The following EIF4G3 variants were observed in gnomAD, a reference collection of about 807,000 sequenced individuals.
The protein encoded by EIF4G3 is eukaryotic translation initiation factor 4 gamma 3.
Under a neutral mutation model 186.4 loss-of-function variants are expected in EIF4G3, and 34 were observed. That is an observed-to-expected ratio of 0.18 (90% CI 0.14 to 0.24). EIF4G3 has a LOEUF of 0.24. Among genes scored for constraint, EIF4G3 ranks in the 10% least tolerant of loss-of-function variants. EIF4G3 has a pLI of 1.00. For missense variants in EIF4G3, 1,536 were observed against 1,948.5 expected (o/e 0.79, Z 3.99); for synonymous variants, 673 against 679.5 (o/e 0.99, Z 0.15).
intron 7 of EIF4G3, among the ~76,000 whole-genome samples, chr1:20,989,046 A>T (rs1262965756): frequency 6.5e-5 from 1 of 15,424 alleles, no homozygotes; most frequent in Admixed American, 9.8e-4. Flanking sequence ...CCAAAAAGAG[A>T]GGAGAGGAGA....
chr1:21,089,212 T>G lies in EIF4G3; in HGVS notation c.-270A>C, dbSNP rs781105226. On this transcript the variant is annotated splice_region_variant and 5_prime_UTR_variant, in exon 3 of 37. Coordinates refer to ENST00000602326, the MANE Select transcript of EIF4G3 (RefSeq NM_001391906.1). ...GGTTGTTGCACAGGTCCTCTAGGAA[T>G]TCTAGAAGAGCGAGTTAAGGATAAG... 1 of 717,270 alleles carries G rather than the reference T, an allele frequency of 1.4e-6. No homozygotes were observed. The highest frequency in any genetic ancestry group is 1.5e-5 in the South Asian group (1 of 67,554). The allele number at this position is 717,270 out of a possible 1,614,324, so 44.4% of individuals were successfully genotyped here.
chr1:20,859,515 C>T (rs150481378), intron 24 of EIF4G3, among the ~76,000 whole-genome samples: 12 of 152,324 alleles, frequency 7.9e-5, no homozygotes, highest in East Asian at 1.9e-4. Context: ...TCTTTTCCAA[C>T]GTTCCTAAAC....
Position 20,879,639 on chromosome 1 carries a change from C to A in EIF4G3, c.2425-119G>T, listed in dbSNP as rs1026594749. ...CAACTTCTCAAATTATTAACAAGGACTGTGAACTAGTGACAGAAATAATTA... is the reference window on the plus strand; with the variant it reads ...CAACTTCTCAAATTATTAACAAGGAATGTGAACTAGTGACAGAAATAATTA... On this transcript the variant is annotated intron_variant, in intron 19 of 36. Transcript: ENST00000602326. 1.1e-5 allele frequency: 6 copies of A among 569,834 alleles called. No homozygotes were observed. In the South Asian group the frequency reaches 2.7e-4, roughly 26 times the overall value. The allele number at this position is 569,834 out of a possible 1,614,324, so 35.3% of individuals were successfully genotyped here. A position where few individuals can be genotyped will look rare whatever the true frequency, so the allele number is the denominator to read the frequency against.
intron 4 of EIF4G3, among the ~76,000 whole-genome samples, chr1:21,018,276 A>G (rs912554592): frequency 6.6e-6 from 1 of 152,138 alleles, no homozygotes; most frequent in Non-Finnish European, 1.5e-5. Context: ...CCACGGAACT[A>G]TAAACTTAAA....
At position 20,848,785 on chromosome 1, in the gene EIF4G3, C is replaced by T. The variant is rs150608712; in HGVS notation, c.3888+630G>A. On this transcript the variant is annotated intron_variant, in intron 29 of 36. Coordinates refer to ENST00000602326, the MANE Select transcript of EIF4G3 (RefSeq NM_001391906.1). ...ATGACAGGCCAGGTGTGGTGGCTCA[C>T]GCCTGTAATCTCAGCACTTTGGGAG... Among the ~76,000 whole-genome samples the T allele has an allele frequency of 5.2e-3, 788 of 151,780 alleles. 8 individuals are homozygous for T. The highest frequency in any genetic ancestry group is 0.018 in the African/African-American group (757 of 41,402).
chr1:21,064,108 C>T (rs1286847780), intron 3 of EIF4G3, among the ~76,000 whole-genome samples: 1 of 152,112 alleles, frequency 6.6e-6, no homozygotes, highest in Non-Finnish European at 1.5e-5. Context: ...CTATTTGGAA[C>T]TTGGCAGTGA....
intron 7 of EIF4G3, among the ~76,000 whole-genome samples, chr1:20,984,593 CT>C (rs1158261981): frequency 1.5e-3 from 196 of 132,590 alleles, no homozygotes; most frequent in African/African-American, 3.1e-3. Flanking sequence ...CATATATACA[CT>C]TTTTTTTTTT....
chr1:20,961,512 G>A (rs182175010), intron 12 of EIF4G3, among the ~76,000 whole-genome samples: 1 of 152,264 alleles, frequency 6.6e-6, no homozygotes, highest in Admixed American at 6.5e-5. Flanking sequence ...AGGAGCATTT[G>A]AATTCTTCTC....
rs2073223755 is a variant in EIF4G3 at position 20,851,346 on chromosome 1, C to T, written c.3684G>A (p.Glu1228=). ...DNQSQEEQRR[E]MLETVKQLTG... ...TGAGCTGCTTCACGGTCTCCAGCAT[C>T]TCTCTCCGCTGCTCTTCTTGAGACT... is the stretch of plus-strand genomic sequence containing the variant. Residue 1228 remains glutamate, a synonymous_variant, in exon 28 of 37, where the codon GAG becomes GAA. Transcript: ENST00000602326. The T allele has an allele frequency of 4.3e-6, 7 of 1,614,188 alleles. No individual in the cohort carries two copies. The highest frequency in any genetic ancestry group is 5.9e-6 in the Non-Finnish European group (7 of 1,180,028).
chr1:21,062,475 G>A (rs1475705307), intron 3 of EIF4G3, among the ~76,000 whole-genome samples: 1 of 152,116 alleles, frequency 6.6e-6, no homozygotes, highest in African/African-American at 2.4e-5. Context: ...TAGGCAAAAG[G>A]TGACTAAGGA....
At chr1:20,977,273 G>A (rs901109131) in intron 10 of EIF4G3, among the ~76,000 whole-genome samples, 1 of 151,702 alleles carries the variant, frequency 6.6e-6, no homozygotes, top group Non-Finnish European at 1.5e-5. Context: ...TGCAACCTCC[G>A]CCTCCTGGGT....
At chr1:21,002,573 ATAG>A in intron 5 of EIF4G3, 137 bp downstream of exon 5, 1 of 781,508 alleles carries the variant, frequency 1.3e-6, no homozygotes, top group Non-Finnish European at 2.0e-6. Context: ...CTAACAAATA[ATAG>A]TAGGAGTCAT....
chr1:21,094,257 T>C lies in EIF4G3; in HGVS notation c.-271-5044A>G, dbSNP rs546518215. 1.1e-4 allele frequency among the ~76,000 whole-genome samples: 16 copies of C among 151,746 alleles called. No homozygotes were observed. In the East Asian group the frequency reaches 2.9e-3, roughly 28 times the overall value. ...TAGAAATACCATTTGACCCAGCCACTCCATTACTGGGCATATACCCAAAGG... is the reference window on the plus strand; with the variant it reads ...TAGAAATACCATTTGACCCAGCCACCCCATTACTGGGCATATACCCAAAGG... On this transcript the variant is annotated intron_variant, in intron 2 of 36. Transcript: ENST00000602326.
intron 12 of EIF4G3, among the ~76,000 whole-genome samples, chr1:20,963,561 C>T (rs993368463): frequency 6.6e-6 from 1 of 152,140 alleles, no homozygotes; most frequent in African/African-American, 2.4e-5. Flanking sequence ...AGGACTCTCT[C>T]CCATGTCATA....
At chr1:21,083,672 A>C (rs1228841246) in intron 3 of EIF4G3, among the ~76,000 whole-genome samples, 1 of 152,180 alleles carries the variant, frequency 6.6e-6, no homozygotes, top group Non-Finnish European at 1.5e-5. Flanking sequence ...CAGTAGTTTT[A>C]AATAGTAAAA....
chr1:20,915,642 T>C (rs1572733585), intron 14 of EIF4G3, among the ~76,000 whole-genome samples: 1 of 152,154 alleles, frequency 6.6e-6, no homozygotes, highest in Non-Finnish European at 1.5e-5. Context: ...CTAACAAATG[T>C]AGGAAAAGCA....
Position 20,839,110 on chromosome 1 carries a change from T to TGGGA in EIF4G3, c.4061+1742_4061+1745dup, listed in dbSNP as rs2067640801. Among the ~76,000 whole-genome samples, 3 of 152,146 alleles carry TGGGA rather than the reference T, an allele frequency of 2.0e-5. 1 individual carries two copies. Among genetic ancestry groups the TGGGA allele is most frequent in the African/African-American group, 7.2e-5 (3 of 41,452 alleles). On this transcript the variant is annotated intron_variant, in intron 30 of 36. Coordinates refer to ENST00000602326, the MANE Select transcript of EIF4G3 (RefSeq NM_001391906.1). Reference sequence around the variant, plus strand: ...TCTCTTGCCTTGGTCTCCGGGTAGCTGGGATTACAGGTGCGTGCCACCACG... The same window carrying TGGGA: ...TCTCTTGCCTTGGTCTCCGGGTAGCTGGGAGGGATTACAGGTGCGTGCCACCACG...
At chr1:21,021,043 G>T (rs1399389770) in intron 4 of EIF4G3, among the ~76,000 whole-genome samples, 2 of 152,094 alleles carry the variant, frequency 1.3e-5, no homozygotes, top group East Asian at 1.9e-4. Flanking sequence ...GAGTGCAGTG[G>T]TGAGACCTTT....
intron 18 of EIF4G3, among the ~76,000 whole-genome samples, chr1:20,890,762 G>A (rs933546320): frequency 6.6e-6 from 1 of 152,058 alleles, no homozygotes; most frequent in African/African-American, 2.4e-5. Flanking sequence ...GGCCATTTTT[G>A]TTCCTTTATA....
Sources: gnomAD v4.1 joint callset for allele counts (sites outside exome capture counted in the v4.1 genomes callset) on GRCh38, gnomAD v4.1.1 for gene constraint, MANE v1.5 for transcripts, NCBI Gene and HGNC (gene_info 2026-07-23, HGNC 2026-07-21) for gene names.